Variants in PPP2R3B observed in about 807,000 individuals in gnomAD.
PPP2R3B encodes the protein serine/threonine-protein phosphatase 2A regulatory subunit B'' subunit beta.
Under a neutral mutation model 72.9 loss-of-function variants are expected in PPP2R3B, and 68 were observed. The ratio of observed to expected loss-of-function variants is 0.93; its 90% confidence interval spans 0.77 to 1.14. The LOEUF (loss-of-function observed/expected upper bound fraction) is 1.14, where lower values mean the gene tolerates loss of function less well. PPP2R3B is among the 50% of genes most tolerant of loss of function. The probability of loss-of-function intolerance (pLI) is 0.00; values close to 1 mark genes in which losing one functional copy is unlikely to be tolerated. For missense variants in PPP2R3B, 1,018 were observed against 842.0 expected (o/e 1.21, Z -2.59); for synonymous variants, 466 against 375.8 (o/e 1.24, Z -2.78).
At position 386,794 on chromosome X, in the gene PPP2R3B, C is replaced by CT. The variant is rs1391145220; in HGVS notation, c.-104dup. The CT allele has an allele frequency of 1.8e-5, 12 of 663,030 alleles. No individual in the cohort carries two copies. The highest frequency in any genetic ancestry group is 4.0e-6 in the Non-Finnish European group (2 of 497,072). The allele number at this position is 663,030 out of a possible 1,614,324, so 41.1% of individuals were successfully genotyped here. ...ACCTCGGTGATGCGAGCACGGCCCG[C>CT]TGAGGGGGCGCGGCGCAGGGAACAG... On this transcript the variant is annotated 5_prime_UTR_variant, in exon 1 of 13. Coordinates refer to ENST00000390665, the MANE Select transcript of PPP2R3B (RefSeq NM_013239.5).
chrX:354,085 A>AAAGACCGGGGCTCC (rs2071389891), intron 2 of PPP2R3B, among the ~76,000 whole-genome samples: 2 of 88,016 alleles, frequency 2.3e-5, no homozygotes, highest in East Asian at 3.8e-4. Flanking sequence ...ACCGGGGCTC[A>AAAGACCGGGGCTCC]CCCAGGGACC....
chrX:347,513 C>T (rs1421979550), intron 3 of PPP2R3B, 77 bp downstream of exon 3: 2 of 1,460,504 alleles, frequency 1.4e-6, no homozygotes, highest in Non-Finnish European at 1.9e-6. Flanking sequence ...CCTCAGGGGG[C>T]ACCCGTCCTG....
At chrX:354,119 G>T (rs2071391157) in intron 2 of PPP2R3B, among the ~76,000 whole-genome samples, 1 of 134,646 alleles carries the variant, frequency 7.4e-6, no homozygotes, top group Non-Finnish European at 1.5e-5. Context: ...AACACAGGGG[G>T]CTCACCCAAA....
intron 1 of PPP2R3B, among the ~76,000 whole-genome samples, chrX:363,511 A>ATCCCACAATGCATCTTCCCAT (rs2071599016): frequency 1.5e-5 from 1 of 65,480 alleles, no homozygotes; most frequent in African/African-American, 5.5e-5. Flanking sequence ...CATCTCCCCG[A>ATCCCACAATGCATCTTCCCAT]GCCCGCGATC....
At chrX:364,554 A>C (rs2071651006) in intron 1 of PPP2R3B, among the ~76,000 whole-genome samples, 1 of 151,756 alleles carries the variant, frequency 6.6e-6, no homozygotes. Flanking sequence ...AAAAACAAAA[A>C]GAGTATAAAA....
rs1339556721 is a variant in PPP2R3B, at chrX:374,990, G to A, written c.324+11378C>T. 3.9e-5 allele frequency among the ~76,000 whole-genome samples: 6 copies of A among 152,222 alleles called. No individual in the cohort carries two copies. The South Asian group carries it at 1.2e-3, about 32-fold the overall frequency. On this transcript the variant is annotated intron_variant, in intron 1 of 12. Transcript: ENST00000390665. The stretch of plus-strand genomic sequence containing the variant: ...GTCCTAGACTTGGAACCAGAAGTCT[G>A]CAGCCATCTCAGACTGGCCTTTTCT...
intron 2 of PPP2R3B, among the ~76,000 whole-genome samples, chrX:353,865 CCCAAAGA>C (rs1264700788): frequency 7.5e-5 from 10 of 132,692 alleles, no homozygotes; most frequent in African/African-American, 2.6e-4. Context: ...CGGGGGCTCA[CCCAAAGA>C]CCAGGGCTCA....
At chrX:339,042 G>C (rs769029961) in intron 10 of PPP2R3B, 146 bp from the exon 11 acceptor site, 2 of 738,318 alleles carry the variant, frequency 2.7e-6, no homozygotes, top group Non-Finnish European at 4.8e-6. Flanking sequence ...CGTGAAAGGC[G>C]GACACGCGAG....
At chrX:354,218 ACCCAGGGACCG>A (rs2071395240) in intron 2 of PPP2R3B, among the ~76,000 whole-genome samples, 1 of 138,760 alleles carries the variant, frequency 7.2e-6, no homozygotes, top group African/African-American at 2.7e-5. Flanking sequence ...CCGGGGGCTC[ACCCAGGGACCG>A]GGGGCTCACC....
At chrX:376,763 A>G (rs58102235) in intron 1 of PPP2R3B, among the ~76,000 whole-genome samples, 25 of 80,866 alleles carry the variant, frequency 3.1e-4, no homozygotes, top group East Asian at 7.8e-4. Context: ...ACTACTGTGT[A>G]CAGGGACGGG....
At chrX:335,461 G>A (rs1036538635) in intron 12 of PPP2R3B, 7 of 152,290 alleles carry the variant, frequency 4.6e-5, no homozygotes, top group African/African-American at 1.4e-4. Context: ...GGCCCAGGGT[G>A]GGCCGCAGGG....
At chrX:346,152 G>C (rs1259217599) in intron 6 of PPP2R3B, 22 bp downstream of exon 6, 1 of 1,535,946 alleles carries the variant, frequency 6.5e-7, no homozygotes, top group Non-Finnish European at 8.7e-7. Flanking sequence ...CAGGGGGCAG[G>C]GGACAGGGGG....
chrX:363,587 G>A (rs1569404070), intron 1 of PPP2R3B, among the ~76,000 whole-genome samples: 1 of 146,030 alleles, frequency 6.8e-6, no homozygotes, highest in Non-Finnish European at 1.5e-5. Context: ...ATCCCACAAT[G>A]CATCTCCCCG....
chrX:364,521 C>CA (rs1177610760), intron 1 of PPP2R3B, among the ~76,000 whole-genome samples: 27,717 of 86,542 alleles, frequency 0.32, 4,734 homozygotes, highest in Non-Finnish European at 0.37. Context: ...AAAAAAAAAA[C>CA]AAAAAAAAAA....
chrX:373,824 A>G (rs1179938668), intron 1 of PPP2R3B: 4 of 151,444 alleles, frequency 2.6e-5, no homozygotes, highest in Admixed American at 1.3e-4. Flanking sequence ...CGCATTCCTC[A>G]GGCTGAGGAG....
intron 2 of PPP2R3B, among the ~76,000 whole-genome samples, chrX:350,946 G>A (rs2071317851): frequency 6.6e-6 from 1 of 152,194 alleles, no homozygotes; most frequent in South Asian, 2.1e-4. Flanking sequence ...CCGGACGCCA[G>A]AGCAGGGACT....
chrX:373,263 G>C (rs1444249723), intron 1 of PPP2R3B, among the ~76,000 whole-genome samples: 1 of 152,254 alleles, frequency 6.6e-6, no homozygotes, highest in Non-Finnish European at 1.5e-5. Flanking sequence ...CGGGAAAGGA[G>C]CGAGTGCTCT....
rs374899655 is a variant in PPP2R3B at position 347,740 on chromosome X, C to T, written c.511-47G>A. ...TGGGCAGTCAGCAGGGCCTGGACGC[C>T]GGCGCTCCTGCTGCGTACCTCGCGC... On this transcript the variant is annotated intron_variant, in intron 2 of 12. Coordinates refer to ENST00000390665, the MANE Select transcript of PPP2R3B (RefSeq NM_013239.5). 9.8e-5 allele frequency: 137 copies of T among 1,404,246 alleles called. No individual in the cohort carries two copies. In the Admixed American group the frequency reaches 1.0e-3, roughly 10 times the overall value. 87.0% of individuals were successfully genotyped at this position (1,404,246 alleles called of 1,614,324 possible). A position where few individuals can be genotyped will look rare whatever the true frequency, so the allele number is the denominator to read the frequency against.
intron 1 of PPP2R3B, among the ~76,000 whole-genome samples, chrX:381,539 C>G (rs1222875098): frequency 6.6e-6 from 1 of 151,434 alleles, no homozygotes; most frequent in Admixed American, 6.6e-5. Flanking sequence ...GCATCCTTCA[C>G]TGTTAACGTG....
Sources: gnomAD v4.1 joint callset for allele counts (sites outside exome capture counted in the v4.1 genomes callset) on GRCh38, gnomAD v4.1.1 for gene constraint, MANE v1.5 for transcripts, NCBI Gene and HGNC (gene_info 2026-07-23, HGNC 2026-07-21) for gene names.